WDR70: variants seen among roughly 807,000 people sequenced by gnomAD.
The protein encoded by WDR70 is WD repeat-containing protein 70.
A neutral mutation model predicts 88.6 loss-of-function variants in WDR70; 53 were observed. That is an observed-to-expected ratio of 0.60 (90% CI 0.48 to 0.75). The LOEUF (loss-of-function observed/expected upper bound fraction) is 0.75. Among genes scored for constraint, WDR70 ranks in the 30% least tolerant of loss-of-function variants. WDR70 has a pLI of 0.00. For synonymous variants in WDR70, 280 were observed against 270.0 expected, an observed-to-expected ratio of 1.04 and a Z score of -0.36; for missense variants, 610 against 823.2, an observed-to-expected ratio of 0.74 and a Z score of 3.17.
intron 10 of WDR70, among the ~76,000 whole-genome samples, chr5:37,629,075 C>T (rs570582131): frequency 6.6e-6 from 1 of 152,290 alleles, no homozygotes; most frequent in Admixed American, 6.5e-5. Flanking sequence ...TTTCCCCACC[C>T]CTGCTTTCAG....
At chr5:37,683,625 T>C (rs1222520337) in intron 10 of WDR70, among the ~76,000 whole-genome samples, 1 of 152,180 alleles carries the variant, frequency 6.6e-6, no homozygotes, top group Non-Finnish European at 1.5e-5. Flanking sequence ...GATATGAAAT[T>C]CTGGGTTGGA....
chr5:37,424,161 A>C (rs1418851265), intron 5 of WDR70, among the ~76,000 whole-genome samples: 2 of 150,040 alleles, frequency 1.3e-5, no homozygotes, highest in African/African-American at 4.9e-5. Context: ...AAAAAAAAAA[A>C]AAAAAAAAAA....
chr5:37,415,481 C>A (rs1348577882), intron 5 of WDR70, among the ~76,000 whole-genome samples: 2 of 76,036 alleles, frequency 2.6e-5, no homozygotes, highest in African/African-American at 9.7e-5. Context: ...ACCTCCCTCC[C>A]GGAAGGGGCG....
intron 10 of WDR70, among the ~76,000 whole-genome samples, chr5:37,697,262 A>C (rs558117775): frequency 6.6e-6 from 1 of 152,356 alleles, no homozygotes; most frequent in Admixed American, 6.5e-5. Flanking sequence ...TTTTGGGGTA[A>C]ATAAATAATG....
chr5:37,593,764 C>T (rs1193612276), intron 9 of WDR70, among the ~76,000 whole-genome samples: 1 of 152,178 alleles, frequency 6.6e-6, no homozygotes, highest in Non-Finnish European at 1.5e-5. Flanking sequence ...ACGGTCCCAC[C>T]AACAGTGTAA....
At chr5:37,721,280 A>AC (rs1747807985) in intron 14 of WDR70, 65 bp downstream of exon 14, 3 of 1,367,928 alleles carry the variant, frequency 2.2e-6, no homozygotes, top group Non-Finnish European at 3.1e-6. Context: ...TTTCCCTCCC[A>AC]CCCCCGCTTT....
At chr5:37,696,180 A>G (rs1010566530) in intron 10 of WDR70, among the ~76,000 whole-genome samples, 2 of 152,208 alleles carry the variant, frequency 1.3e-5, no homozygotes, top group Non-Finnish European at 2.9e-5. Flanking sequence ...CCATACATAC[A>G]GTTGATATCC....
chr5:37,626,732 A>G (rs1744674781), intron 10 of WDR70, among the ~76,000 whole-genome samples: 1 of 152,166 alleles, frequency 6.6e-6, no homozygotes. Flanking sequence ...ATTCAGCAGT[A>G]AAGCCGTCTG....
chr5:37,389,417 T>G (rs1748740239), intron 3 of WDR70, among the ~76,000 whole-genome samples: 2 of 151,504 alleles, frequency 1.3e-5, no homozygotes, highest in Non-Finnish European at 2.9e-5. Context: ...TTTTTATTTA[T>G]TTATTTTTTT....
chr5:37,468,966 C>G (rs913694602), intron 7 of WDR70, among the ~76,000 whole-genome samples: 8 of 152,164 alleles, frequency 5.3e-5, no homozygotes, highest in Non-Finnish European at 1.2e-4. Flanking sequence ...GATCCTGGAA[C>G]TAGTCCCCCA....
At chr5:37,649,517 T>G (rs949564189) in intron 10 of WDR70, among the ~76,000 whole-genome samples, 1 of 149,836 alleles carries the variant, frequency 6.7e-6, no homozygotes, top group African/African-American at 2.5e-5. Context: ...AAAATTGAGA[T>G]GAAGGGAGGG....
chr5:37,475,768 A>G (rs80277655), intron 7 of WDR70, among the ~76,000 whole-genome samples: 2,322 of 151,838 alleles, frequency 0.015, 53 homozygotes, highest in African/African-American at 0.053. Context: ...GATGTAAACC[A>G]TCCATCTTAT....
At chr5:37,420,112 C>T (rs1330349859) in intron 5 of WDR70, among the ~76,000 whole-genome samples, 1 of 152,052 alleles carries the variant, frequency 6.6e-6, no homozygotes, top group Non-Finnish European at 1.5e-5. Flanking sequence ...TCTCTAATCC[C>T]AGTGCTTTGG....
At chr5:37,448,596 A>G (rs942365190) in intron 7 of WDR70, among the ~76,000 whole-genome samples, 2 of 152,214 alleles carry the variant, frequency 1.3e-5, no homozygotes, top group African/African-American at 4.8e-5. Context: ...ATTTATAGAT[A>G]AGCTACAAAG....
At chr5:37,566,660 C>T (rs1306223714) in intron 9 of WDR70, among the ~76,000 whole-genome samples, 1 of 152,158 alleles carries the variant, frequency 6.6e-6, no homozygotes, top group Non-Finnish European at 1.5e-5. Flanking sequence ...TTTCCTGGAA[C>T]AAACTCTCAA....
At chr5:37,611,409 A>G (rs1237008889) in intron 10 of WDR70, among the ~76,000 whole-genome samples, 1 of 152,112 alleles carries the variant, frequency 6.6e-6, no homozygotes, top group Non-Finnish European at 1.5e-5. Flanking sequence ...GTACTAAGCT[A>G]GATTGTTAGC....
intron 17 of WDR70, among the ~76,000 whole-genome samples, chr5:37,737,406 G>A (rs1007397491): frequency 1.8e-4 from 27 of 152,174 alleles, no homozygotes; most frequent in African/African-American, 5.8e-4. Context: ...GCAACTGGTA[G>A]TAGTTATTAG....
intron 5 of WDR70, among the ~76,000 whole-genome samples, chr5:37,430,497 C>T (rs1750267836): frequency 6.6e-6 from 1 of 151,990 alleles, no homozygotes. Context: ...TTAAAATCGC[C>T]CTGTACTAAT....
chr5:37,517,771 T>C (rs932067245), intron 9 of WDR70, among the ~76,000 whole-genome samples: 1 of 151,332 alleles, frequency 6.6e-6, no homozygotes, highest in Non-Finnish European at 1.5e-5. Context: ...AATCACATCA[T>C]GTAAAATGGG....
Sources: gnomAD v4.1 joint callset for allele counts (sites outside exome capture counted in the v4.1 genomes callset) on GRCh38, gnomAD v4.1.1 for gene constraint, MANE v1.5 for transcripts, NCBI Gene and HGNC (gene_info 2026-07-23, HGNC 2026-07-21) for gene names.